Variants in HCN1 observed in about 807,000 individuals in gnomAD.
The protein encoded by HCN1 is hyperpolarization activated cyclic nucleotide gated potassium channel 1.
A neutral mutation model predicts 78.9 loss-of-function variants in HCN1; 13 were observed. That is an observed-to-expected ratio of 0.16 (90% CI 0.11 to 0.26). HCN1 has a LOEUF of 0.26. Among genes scored for constraint, HCN1 ranks in the 10% least tolerant of loss-of-function variants. The pLI, the probability that HCN1 is intolerant of heterozygous loss-of-function variation, is 1.00. For synonymous variants in HCN1, 552 were observed against 455.5 expected (o/e 1.21, Z -2.70); for missense variants, 810 against 1,154.3 (o/e 0.70, Z 4.32).
intron 6 of HCN1, among the ~76,000 whole-genome samples, chr5:45,267,905 A>G (rs1744892851): frequency 6.6e-6 from 1 of 152,210 alleles, no homozygotes; most frequent in Non-Finnish European, 1.5e-5. Flanking sequence ...AACAAAAGAG[A>G]TGCAGAAAAT....
intron 3 of HCN1, among the ~76,000 whole-genome samples, chr5:45,449,863 T>A (rs898763943): frequency 6.6e-6 from 1 of 151,862 alleles, no homozygotes; most frequent in African/African-American, 2.4e-5. Flanking sequence ...TGAGACGGAG[T>A]CTCACACTCT....
chr5:45,373,398 ATT>A (rs1491431584), intron 4 of HCN1, among the ~76,000 whole-genome samples: 15 of 108,496 alleles, frequency 1.4e-4, no homozygotes, highest in East Asian at 6.1e-4. Flanking sequence ...GTAAATATAT[ATT>A]ATATAAAATA....
chr5:45,385,945 T>C (rs1219523339), intron 4 of HCN1, among the ~76,000 whole-genome samples: 1 of 152,074 alleles, frequency 6.6e-6, no homozygotes, highest in Non-Finnish European at 1.5e-5. Context: ...TCCTGCCAGA[T>C]ACCACTAAAA....
At chr5:45,347,565 C>T (rs868294992) in intron 5 of HCN1, among the ~76,000 whole-genome samples, 23 of 152,234 alleles carry the variant, frequency 1.5e-4, no homozygotes, top group Middle Eastern at 3.4e-3. Context: ...TCAAACTACT[C>T]CGAGCTACAG....
At chr5:45,321,337 G>T (rs1416734237) in intron 5 of HCN1, among the ~76,000 whole-genome samples, 1 of 151,730 alleles carries the variant, frequency 6.6e-6, no homozygotes, top group Non-Finnish European at 1.5e-5. Context: ...CTTAAATTTT[G>T]TTTTATTTCT....
At chr5:45,674,960 G>A (rs1022748222) in intron 1 of HCN1, among the ~76,000 whole-genome samples, 21 of 151,738 alleles carry the variant, frequency 1.4e-4, no homozygotes, top group South Asian at 2.1e-4. Context: ...AGATATGCAT[G>A]CATATATAAG....
At chr5:45,587,180 C>A (rs1451637097) in intron 2 of HCN1, among the ~76,000 whole-genome samples, 1 of 152,134 alleles carries the variant, frequency 6.6e-6, no homozygotes, top group Non-Finnish European at 1.5e-5. Flanking sequence ...ACCATTTGAT[C>A]CAGCCATCCC....
intron 2 of HCN1, among the ~76,000 whole-genome samples, chr5:45,637,286 T>C (rs1304385588): frequency 6.6e-6 from 1 of 152,172 alleles, no homozygotes; most frequent in Non-Finnish European, 1.5e-5. Context: ...TTGTTTACAC[T>C]ATAAATGCTT....
intron 5 of HCN1, among the ~76,000 whole-genome samples, chr5:45,304,081 T>C (rs1391542443): frequency 3.3e-5 from 5 of 152,180 alleles, no homozygotes; most frequent in Non-Finnish European, 7.3e-5. Flanking sequence ...CGATAAATGT[T>C]AATTCAATAT....
intron 2 of HCN1, among the ~76,000 whole-genome samples, chr5:45,504,269 G>A (rs1337370659): frequency 6.6e-6 from 1 of 151,856 alleles, no homozygotes; most frequent in Non-Finnish European, 1.5e-5. Flanking sequence ...CCCCACAACA[G>A]GCCCCGGTGT....
At chr5:45,613,293 T>G (rs1385199162) in intron 2 of HCN1, among the ~76,000 whole-genome samples, 1 of 151,998 alleles carries the variant, frequency 6.6e-6, no homozygotes, top group Non-Finnish European at 1.5e-5. Context: ...CTGAGAATGA[T>G]GTTTTCCAAT....
chr5:45,572,103 G>A (rs1743848534), intron 2 of HCN1, among the ~76,000 whole-genome samples: 1 of 151,968 alleles, frequency 6.6e-6, no homozygotes, highest in Non-Finnish European at 1.5e-5. Context: ...CCATTCATTT[G>A]TACACATTAT....
chr5:45,333,970 T>C (rs1057046852), intron 5 of HCN1, among the ~76,000 whole-genome samples: 1 of 151,832 alleles, frequency 6.6e-6, no homozygotes, highest in African/African-American at 2.4e-5. Context: ...CCATTGACTG[T>C]ATTGACTTCT....
intron 4 of HCN1, among the ~76,000 whole-genome samples, chr5:45,372,768 A>G (rs1029360136): frequency 1.4e-5 from 2 of 144,112 alleles, no homozygotes; most frequent in African/African-American, 2.5e-5. Flanking sequence ...ACACAAAAAT[A>G]TATACGTATT....
chr5:45,442,242 A>G (rs564860617), intron 3 of HCN1, among the ~76,000 whole-genome samples: 4 of 152,280 alleles, frequency 2.6e-5, no homozygotes, highest in Admixed American at 2.0e-4. Context: ...GATGCTTTTT[A>G]CATTCACTGA....
intron 6 of HCN1, among the ~76,000 whole-genome samples, chr5:45,283,120 A>G (rs1192269603): frequency 6.6e-6 from 1 of 152,180 alleles, no homozygotes; most frequent in African/African-American, 2.4e-5. Context: ...CTTTGATAGC[A>G]TGTTCGAAAT....
At chr5:45,533,898 G>A (rs980027614) in intron 2 of HCN1, among the ~76,000 whole-genome samples, 12 of 152,188 alleles carry the variant, frequency 7.9e-5, no homozygotes, top group Admixed American at 2.6e-4. Flanking sequence ...GTGCAGCAGG[G>A]CACAGTTCTG....
chr5:45,371,794 TACAC>T (rs923436576), intron 4 of HCN1, among the ~76,000 whole-genome samples: 3 of 139,286 alleles, frequency 2.2e-5, no homozygotes, highest in Non-Finnish European at 3.0e-5. Context: ...CACACACACA[TACAC>T]ACACAAGGTG....
rs770503728 is a variant in HCN1, at chr5:45,396,507, C to T, written c.1215G>A (p.Arg405=). 8 of 1,613,204 alleles carry T rather than the reference C, an allele frequency of 5.0e-6. No individual in the cohort carries two copies. In the South Asian group the frequency reaches 8.8e-5, roughly 18 times the overall value. ...AACAAATTACCTTCTCTTGATACTG[C>T]CGCCTCGAAGAATCCAGAGACTGGA... ...ALIQSLDSSR[R]QYQEKYKQVE... The change falls in exon 4 of 8, where the codon CGG becomes CGA. Residue 405 remains arginine, a synonymous_variant. Coordinates refer to ENST00000303230, the MANE Select transcript of HCN1 (RefSeq NM_021072.4).
Sources: allele counts gnomAD v4.1 joint callset (sites outside exome capture counted in the v4.1 genomes callset), GRCh38; gene constraint gnomAD v4.1.1; transcripts MANE v1.5; gene names NCBI Gene and HGNC (gene_info 2026-07-23, HGNC 2026-07-21).